The following DRP2 variants were observed in gnomAD, a reference collection of about 807,000 sequenced individuals.
The protein encoded by DRP2 is dystrophin-related protein 2.
Under a neutral mutation model 78.2 loss-of-function variants are expected in DRP2, and 29 were observed. That is an observed-to-expected ratio of 0.37 (90% CI 0.28 to 0.51). DRP2 has a LOEUF of 0.51. DRP2 is among the 20% of genes least tolerant of loss of function. The pLI is 0.94. For missense variants in DRP2, 686 were observed against 770.6 expected, an observed-to-expected ratio of 0.89 and a Z score of 1.30; for synonymous variants, 290 against 281.9, an observed-to-expected ratio of 1.03 and a Z score of -0.29.
At position 101,261,917 on chromosome X, in the gene DRP2, C is replaced by CT; in HGVS notation, c.*1296_*1297insT. The CT allele has an allele frequency of 8.9e-6, 1 of 111,978 alleles. No individual in the cohort carries two copies. The highest frequency in any genetic ancestry group is 1.9e-5 in the Non-Finnish European group (1 of 53,141). 9.2% of individuals were successfully genotyped at this position (111,978 alleles called of 1,213,427 possible). A position where few individuals can be genotyped will look rare whatever the true frequency, so the allele number is the denominator to read the frequency against. ...GGGAATGTTGAATAGATTCAGAGCCCACTTAGGCAGCTTTCTCCCAAGAGG... is the reference window on the plus strand; with the variant it reads ...GGGAATGTTGAATAGATTCAGAGCCCTACTTAGGCAGCTTTCTCCCAAGAGG... On this transcript the variant is annotated 3_prime_UTR_variant, in exon 24 of 24. Transcript: ENST00000395209.
intron 1 of DRP2, among the ~76,000 whole-genome samples, chrX:101,224,162 G>T: frequency 1.3e-5 from 1 of 76,781 alleles, no homozygotes; most frequent in East Asian, 5.0e-4. Flanking sequence ...TTTCTCCCAA[G>T]AATAATAAAT....
chrX:101,256,122 G>A lies in DRP2; in HGVS notation c.2251G>A (p.Glu751Lys), dbSNP rs777427059. 3.4e-6 allele frequency: 4 copies of A among 1,188,822 alleles called. No individual in the cohort carries two copies. Among genetic ancestry groups the A allele is most frequent in the Non-Finnish European group, 3.4e-6 (3 of 885,653 alleles). ...DSLSPDDSID[E>K]DQYLLRHSSP... ...GCTTTCCCCACACCCATGCAGAGAC[G>A]AGGACCAGTACCTGCTGCGGCACTC... The change falls in exon 21 of 24, where the codon GAG (glutamate) becomes AAG (lysine). Residue 751 changes from glutamate (E) to lysine (K), a missense_variant. Physicochemically the swap from Glu to Lys is moderately conservative, Grantham distance 56. Transcript: ENST00000395209.
chrX:101,262,466 TA>T lies in DRP2; in HGVS notation c.*1848del, dbSNP rs1923593108. Reference sequence around the variant, plus strand: ...CAGCTCTTATGGTCTCACTCAGGGCTAAAGAAAGCAACAGTTGCCACCACAA... The same window carrying T: ...CAGCTCTTATGGTCTCACTCAGGGCTAAGAAAGCAACAGTTGCCACCACAA... On this transcript the variant is annotated 3_prime_UTR_variant, in exon 24 of 24. Transcript: ENST00000395209. The T allele has an allele frequency of 9.0e-6, 1 of 111,582 alleles. No homozygotes were observed. The highest frequency in any genetic ancestry group is 3.8e-4 in the South Asian group (1 of 2,637). The allele number at this position is 111,582 out of a possible 1,213,427, so 9.2% of individuals were successfully genotyped here. A position where few individuals can be genotyped will look rare whatever the true frequency, so the allele number is the denominator to read the frequency against.
At chrX:101,232,034 T>G (rs762930222) in intron 3 of DRP2, among the ~76,000 whole-genome samples, 1 of 110,884 alleles carries the variant, frequency 9.0e-6, no homozygotes, top group African/African-American at 3.3e-5. Context: ...TTCTAAGAGT[T>G]ACAGGTCCAG....
intron 3 of DRP2, among the ~76,000 whole-genome samples, chrX:101,234,829 T>G (rs1364006162): frequency 9.1e-6 from 1 of 110,374 alleles, no homozygotes; most frequent in East Asian, 2.9e-4. Context: ...GAGAGTCTTG[T>G]GTGGGAAAGA....
intron 22 of DRP2, 112 bp from the exon 23 acceptor site, chrX:101,259,937 C>G (rs755449087): frequency 6.1e-5 from 61 of 1,003,875 alleles, no homozygotes; most frequent in Non-Finnish European, 8.0e-5. Context: ...TTCTTAAAGT[C>G]TAAGGGTAAA....
At chrX:101,251,298 G>A (rs1923133539) in intron 16 of DRP2, 1 of 353,411 alleles carries the variant, frequency 2.8e-6, no homozygotes, top group Admixed American at 5.5e-5. Flanking sequence ...GTATTATAAA[G>A]TATTACAGAC....
chrX:101,244,871 C>T lies in DRP2; in HGVS notation c.1055-146C>T, dbSNP rs908258613. 2.8e-5 allele frequency: 14 copies of T among 498,945 alleles called. No individual in the cohort carries two copies. The African/African-American group carries it at 3.1e-4, about 11-fold the overall frequency. 41.1% of individuals were successfully genotyped at this position (498,945 alleles called of 1,213,427 possible). A position where few individuals can be genotyped will look rare whatever the true frequency, so the allele number is the denominator to read the frequency against. On this transcript the variant is annotated intron_variant, in intron 9 of 23. Transcript: ENST00000395209. The stretch of plus-strand genomic sequence containing the variant: ...TCATTAGAACTCTTTGTCCCACCCT[C>T]AGAGGCTGTTAAGAGCTGGCAATGA...
At position 101,224,608 on chromosome X, in the gene DRP2, A is replaced by G. The variant is rs1276896223; in HGVS notation, c.-162A>G. On this transcript the variant is annotated 5_prime_UTR_variant, in exon 2 of 24. Transcript: ENST00000395209. ...CTACCTCTTTCTTTTTAACAGCTACATAATATTCGCCGTGTGAGTGGCTAT... is the reference window on the plus strand; with the variant it reads ...CTACCTCTTTCTTTTTAACAGCTACGTAATATTCGCCGTGTGAGTGGCTAT... 1 of 112,491 alleles carries G rather than the reference A, an allele frequency of 8.9e-6. No individual in the cohort carries two copies. The highest frequency in any genetic ancestry group is 9.4e-5 in the Admixed American group (1 of 10,614). 9.3% of individuals were successfully genotyped at this position (112,491 alleles called of 1,213,427 possible).
intron 14 of DRP2, among the ~76,000 whole-genome samples, chrX:101,250,024 ATGTTCAGGTGCCCC>A (rs1321494341): frequency 2.7e-5 from 3 of 111,446 alleles, no homozygotes; most frequent in Admixed American, 9.5e-5. Context: ...ACTGTGACTC[ATGTTCAGGTGCCCC>A]TGAGCCCGTA....
At chrX:101,248,867 A>G (rs1200609569) in intron 14 of DRP2, among the ~76,000 whole-genome samples, 2 of 112,015 alleles carry the variant, frequency 1.8e-5, no homozygotes, top group Non-Finnish European at 3.8e-5. Flanking sequence ...GTCAGGATCT[A>G]TGTTGGCATT....
chrX:101,242,287 A>G (rs753489467), intron 7 of DRP2, 38 bp from the exon 8 acceptor site: 4 of 1,197,968 alleles, frequency 3.3e-6, no homozygotes, highest in Non-Finnish European at 3.4e-6. Context: ...CTTCTTTCCC[A>G]CTCTGTCTGC....
chrX:101,221,543 T>C (rs1163135432), intron 1 of DRP2, among the ~76,000 whole-genome samples: 1 of 112,557 alleles, frequency 8.9e-6, no homozygotes, highest in Non-Finnish European at 1.9e-5. Flanking sequence ...TGTAAACCAT[T>C]GCTGGGGGAT....
chrX:101,258,410 G>T lies in DRP2; in HGVS notation c.2492G>T (p.Arg831Leu), dbSNP rs766073418. 3 of 1,205,032 alleles carry T rather than the reference G, an allele frequency of 2.5e-6. No homozygotes were observed. The East Asian group carries it at 8.9e-5, about 36-fold the overall frequency. ...TCCACTGAGGCAGCAACAGACCACCGCAATGAGGAGCTTCTGGCCGAGGCC... is the reference window on the plus strand; with the variant it reads ...TCCACTGAGGCAGCAACAGACCACCTCAATGAGGAGCTTCTGGCCGAGGCC... Reference protein sequence around the residue: ...DGSTEAATDHRNEELLAEARI... With the variant: ...DGSTEAATDHLNEELLAEARI... Residue 831 changes from arginine (R) to leucine (L), a missense_variant, in exon 22 of 24, where the codon CGC becomes CTC. Arg to Leu is a moderately radical substitution (Grantham distance 102). Transcript: ENST00000395209.
chrX:101,252,511 T>A (rs1205644957), intron 16 of DRP2, 94 bp from the exon 17 acceptor site: 10 of 685,736 alleles, frequency 1.5e-5, no homozygotes, highest in Non-Finnish European at 2.3e-5. Context: ...CATCCCCTTC[T>A]ACTGTGTGTG....
intron 21 of DRP2, among the ~76,000 whole-genome samples, chrX:101,257,319 G>T (rs1319235309): frequency 9.4e-6 from 1 of 106,807 alleles, no homozygotes; most frequent in Non-Finnish European, 1.9e-5. Flanking sequence ...CCATACTGCT[G>T]TTCCACAGGC....
chrX:101,244,903 G>C, intron 9 of DRP2, 114 bp from the exon 10 acceptor site: 1 of 660,426 alleles, frequency 1.5e-6, no homozygotes, highest in Non-Finnish European at 2.3e-6. Flanking sequence ...ATGAAATTCA[G>C]ACATCCCCTT....
chrX:101,240,380 C>T (rs892647133), intron 6 of DRP2, among the ~76,000 whole-genome samples: 7 of 111,712 alleles, frequency 6.3e-5, no homozygotes, highest in Admixed American at 9.5e-5. Context: ...GGACTACAGG[C>T]GCATGCTACC....
intron 21 of DRP2, among the ~76,000 whole-genome samples, chrX:101,257,939 T>C (rs1923408757): frequency 9.0e-6 from 1 of 110,920 alleles, no homozygotes; most frequent in African/African-American, 3.3e-5. Flanking sequence ...AATCTAAACA[T>C]CTAAAAATGG....
Sources: allele counts gnomAD v4.1 joint callset (sites outside exome capture counted in the v4.1 genomes callset), GRCh38; gene constraint gnomAD v4.1.1; transcripts MANE v1.5; gene names NCBI Gene and HGNC (gene_info 2026-07-23, HGNC 2026-07-21).